Variants in ZNF277 observed in about 807,000 individuals in gnomAD.
ZNF277 encodes zinc finger protein 277, also known as nuclear receptor-interacting factor 4.
ZNF277 carries 55 observed loss-of-function variants against 60.7 expected under a neutral mutation model. The ratio of observed to expected loss-of-function variants is 0.91; its 90% confidence interval spans 0.73 to 1.13. The LOEUF (loss-of-function observed/expected upper bound fraction) is 1.13. Ranked by LOEUF, ZNF277 falls within the 50% of genes most tolerant of loss-of-function variation. The pLI, the probability that ZNF277 is intolerant of heterozygous loss-of-function variation, is 0.00. For missense variants in ZNF277, 510 were observed against 523.0 expected (o/e 0.98, Z 0.24); for synonymous variants, 178 against 179.3 (o/e 0.99, Z 0.06).
At chr7:112,335,785 C>T (rs1793317712) in intron 7 of ZNF277, among the ~76,000 whole-genome samples, 1 of 152,068 alleles carries the variant, frequency 6.6e-6, no homozygotes, top group African/African-American at 2.4e-5. Context: ...TATTCTAATA[C>T]TCATTCAGGG....
intron 7 of ZNF277, chr7:112,330,470 A>G: frequency 4.3e-6 from 2 of 466,024 alleles, no homozygotes; most frequent in Non-Finnish European, 7.5e-6. Context: ...CAAAAAAAAA[A>G]AAAATACAGC....
chr7:112,307,831 T>C (rs1353739094), intron 4 of ZNF277, among the ~76,000 whole-genome samples: 2 of 151,968 alleles, frequency 1.3e-5, no homozygotes, highest in African/African-American at 4.8e-5. Flanking sequence ...ATGCTTTTTT[T>C]TCCATTTTAT....
intron 6 of ZNF277, among the ~76,000 whole-genome samples, chr7:112,329,305 T>C (rs1038855495): frequency 1.3e-5 from 2 of 152,310 alleles, no homozygotes; most frequent in East Asian, 3.9e-4. Context: ...GTAGCAATTA[T>C]AATACATGTT....
At chr7:112,266,293 C>T (rs544168833) in intron 1 of ZNF277, among the ~76,000 whole-genome samples, 35 of 152,174 alleles carry the variant, frequency 2.3e-4, no homozygotes, top group African/African-American at 8.2e-4. Flanking sequence ...ATTACAGGCA[C>T]TGGCCACCAC....
intron 1 of ZNF277, among the ~76,000 whole-genome samples, chr7:112,238,070 C>T (rs1407911828): frequency 6.6e-6 from 1 of 152,184 alleles, no homozygotes; most frequent in Non-Finnish European, 1.5e-5. Flanking sequence ...CAACTATCCA[C>T]ACAAGAAAGC....
intron 1 of ZNF277, among the ~76,000 whole-genome samples, chr7:112,226,711 T>G (rs1472809345): frequency 6.6e-6 from 1 of 152,222 alleles, no homozygotes; most frequent in African/African-American, 2.4e-5. Flanking sequence ...ACTTCAAGAA[T>G]GTAGGTTAGT....
intron 1 of ZNF277, among the ~76,000 whole-genome samples, chr7:112,238,637 G>A (rs776632137): frequency 4.6e-5 from 7 of 150,860 alleles, no homozygotes; most frequent in East Asian, 2.1e-4. Context: ...TGCAGCTCCC[G>A]CAGAGACTCC....
At chr7:112,298,739 CA>C (rs1413359435) in intron 4 of ZNF277, among the ~76,000 whole-genome samples, 4 of 152,162 alleles carry the variant, frequency 2.6e-5, no homozygotes, top group African/African-American at 9.7e-5. Flanking sequence ...GTTCTTGCTT[CA>C]TAGCACCCTG....
rs538374330 is a variant in ZNF277, at chr7:112,240,547, T to A, written c.91+33740T>A. ...GTACCCCAAAAATATATACACATAC[T>A]ATGTACCCACAAAAAAATTTTTAAG... is the stretch of plus-strand genomic sequence containing the variant. On this transcript the variant is annotated intron_variant, in intron 1 of 11. Transcript: ENST00000361822. Among the ~76,000 whole-genome samples the A allele has an allele frequency of 5.3e-5, 8 of 152,284 alleles. No homozygotes were observed. In the South Asian group the frequency reaches 1.7e-3, roughly 32 times the overall value.
At chr7:112,324,774 A>G (rs1043250639) in intron 5 of ZNF277, among the ~76,000 whole-genome samples, 39 of 152,306 alleles carry the variant, frequency 2.6e-4, no homozygotes, top group African/African-American at 8.2e-4. Flanking sequence ...GAGACATATT[A>G]TGGGAATTGG....
At chr7:112,234,988 T>C (rs964612932) in intron 1 of ZNF277, among the ~76,000 whole-genome samples, 3 of 151,994 alleles carry the variant, frequency 2.0e-5, no homozygotes, top group Admixed American at 2.0e-4. Context: ...CTGTTTGTTG[T>C]TTGTTAATTA....
chr7:112,244,471 T>A (rs1488342080), intron 1 of ZNF277, among the ~76,000 whole-genome samples: 1 of 152,172 alleles, frequency 6.6e-6, no homozygotes, highest in Non-Finnish European at 1.5e-5. Flanking sequence ...TTTTTGGTTA[T>A]AATTTAAATC....
intron 1 of ZNF277, among the ~76,000 whole-genome samples, chr7:112,210,458 G>T (rs865915072): frequency 0.023 from 2,634 of 112,222 alleles, 29 homozygotes; most frequent in South Asian, 0.064. Flanking sequence ...TTTTGTTTTT[G>T]TTTTTTGTTT....
At chr7:112,273,089 C>T (rs555300596) in intron 1 of ZNF277, among the ~76,000 whole-genome samples, 1 of 152,296 alleles carries the variant, frequency 6.6e-6, no homozygotes, top group South Asian at 2.1e-4. Flanking sequence ...GGGTCACATG[C>T]TCCCCACATC....
At chr7:112,263,542 G>A (rs1791480926) in intron 1 of ZNF277, among the ~76,000 whole-genome samples, 2 of 152,124 alleles carry the variant, frequency 1.3e-5, no homozygotes, top group Admixed American at 1.3e-4. Context: ...AGAGAGTAAA[G>A]CCCTTCAACT....
chr7:112,266,636 C>T (rs1021551100), intron 1 of ZNF277, among the ~76,000 whole-genome samples: 2 of 151,986 alleles, frequency 1.3e-5, no homozygotes, highest in Admixed American at 1.3e-4. Flanking sequence ...ACCAGCATAT[C>T]GTAACAACCA....
At chr7:112,257,786 A>G (rs906316981) in intron 1 of ZNF277, among the ~76,000 whole-genome samples, 2 of 151,872 alleles carry the variant, frequency 1.3e-5, no homozygotes, top group East Asian at 1.9e-4. Flanking sequence ...TCAAATTTTT[A>G]ATTTTTAATT....
Position 112,214,733 on chromosome 7 carries a change from T to C in ZNF277, c.91+7926T>C, listed in dbSNP as rs528710128. ...AAAGAGGGAGTCAACAATTGACAAG[T>C]GGTAAAATATTTAAAATTTTATAGG... is the stretch of plus-strand genomic sequence containing the variant. On this transcript the variant is annotated intron_variant, in intron 1 of 11. Transcript: ENST00000361822. Among the ~76,000 whole-genome samples the C allele has an allele frequency of 3.4e-4, 52 of 152,250 alleles. 1 individual carries two copies. Among genetic ancestry groups the C allele is most frequent in the South Asian group, 3.1e-3 (15 of 4,822 alleles).
chr7:112,210,280 A>T (rs1358519224), intron 1 of ZNF277, among the ~76,000 whole-genome samples: 1 of 152,052 alleles, frequency 6.6e-6, no homozygotes, highest in Non-Finnish European at 1.5e-5. Context: ...GCCTAGGAAG[A>T]CTTTTTATAG....
Sources: allele counts gnomAD v4.1 joint callset (sites outside exome capture counted in the v4.1 genomes callset), GRCh38; gene constraint gnomAD v4.1.1; transcripts MANE v1.5; gene names NCBI Gene and HGNC (gene_info 2026-07-23, HGNC 2026-07-21).